The following TTC29 variants were observed in gnomAD, a reference collection of about 807,000 sequenced individuals.
TTC29 encodes the protein tetratricopeptide repeat protein 29.
TTC29 carries 49 observed loss-of-function variants against 58.1 expected under a neutral mutation model. The observed-to-expected ratio is 0.84, with a 90% CI of 0.67 to 1.07. The LOEUF is 1.07. Among genes scored for constraint, TTC29 ranks in the 50% least tolerant of loss-of-function variants. The probability of loss-of-function intolerance (pLI) is 0.00; values close to 1 mark genes in which losing one functional copy is unlikely to be tolerated. For synonymous variants in TTC29, 209 were observed against 196.8 expected (o/e 1.06, Z -0.52); for missense variants, 582 against 555.6 (o/e 1.05, Z -0.48).
intron 4 of TTC29, among the ~76,000 whole-genome samples, chr4:146,923,786 T>C (rs1579993042): frequency 1.3e-5 from 2 of 151,948 alleles, no homozygotes; most frequent in African/African-American, 2.4e-5. Flanking sequence ...AAGATAATTC[T>C]AAAATTCATA....
At chr4:146,772,233 T>C (rs1263947266) in intron 11 of TTC29, among the ~76,000 whole-genome samples, 1 of 152,212 alleles carries the variant, frequency 6.6e-6, no homozygotes, top group African/African-American at 2.4e-5. Flanking sequence ...TCTTTTGCTG[T>C]GCAGAAGCTC....
intron 6 of TTC29, among the ~76,000 whole-genome samples, chr4:146,877,290 G>C (rs1731331900): frequency 6.6e-6 from 1 of 151,646 alleles, no homozygotes; most frequent in Non-Finnish European, 1.5e-5. Flanking sequence ...TTTTTTTTCT[G>C]TTTGCTTATT....
chr4:146,903,696 G>A lies in TTC29; in HGVS notation c.434C>T (p.Ala145Val), dbSNP rs1468293279. ...AGAATTATTGAAGTAACAGGCCAGAGCATACAAGTTATTATGTACATCTTC... is the reference window on the plus strand; with the variant it reads ...AGAATTATTGAAGTAACAGGCCAGAACATACAAGTTATTATGTACATCTTC... ...SFEDVHNNLY[A>V]LACYFNNSED... Residue 145 changes from alanine (A) to valine (V), a missense_variant, in exon 6 of 13, where the codon GCT (alanine) becomes GTT (valine). By Grantham distance (64) the Ala-to-Val change is moderately conservative. Transcript: ENST00000325106. 1 of 1,610,270 alleles carries A rather than the reference G, an allele frequency of 6.2e-7. No individual in the cohort carries two copies. The highest frequency in any genetic ancestry group is 8.5e-7 in the Non-Finnish European group (1 of 1,178,392).
intron 8 of TTC29, among the ~76,000 whole-genome samples, chr4:146,853,338 T>C (rs933055236): frequency 6.6e-6 from 1 of 152,120 alleles, no homozygotes; most frequent in Admixed American, 6.6e-5. Context: ...TATATATGTA[T>C]TTATATATAA....
At chr4:146,831,099 A>T (rs921247480) in intron 9 of TTC29, among the ~76,000 whole-genome samples, 1 of 152,180 alleles carries the variant, frequency 6.6e-6, no homozygotes, top group African/African-American at 2.4e-5. Flanking sequence ...TGGATTGGAA[A>T]GCTGGTTGTA....
chr4:146,851,046 T>C (rs970241500), intron 8 of TTC29, among the ~76,000 whole-genome samples: 2 of 152,218 alleles, frequency 1.3e-5, no homozygotes, highest in African/African-American at 4.8e-5. Flanking sequence ...CAAGGGGTGC[T>C]AAGAGATTTG....
At chr4:146,730,084 T>A (rs2150019550) in intron 11 of TTC29, among the ~76,000 whole-genome samples, 1 of 152,196 alleles carries the variant, frequency 6.6e-6, no homozygotes, top group East Asian at 1.9e-4. Flanking sequence ...TTTATAAGGG[T>A]TTTCATTGGA....
chr4:146,783,314 C>T (rs1748758425), intron 11 of TTC29, among the ~76,000 whole-genome samples: 1 of 151,558 alleles, frequency 6.6e-6, no homozygotes, highest in Non-Finnish European at 1.5e-5. Context: ...GCTTCCTAGT[C>T]TCTGTCCCCA....
chr4:146,740,821 C>G (rs942558602), intron 11 of TTC29, among the ~76,000 whole-genome samples: 1 of 152,126 alleles, frequency 6.6e-6, no homozygotes, highest in African/African-American at 2.4e-5. Context: ...CCTTGAACTT[C>G]TGGGCTCAAG....
At chr4:146,804,544 T>C (rs1750465746) in intron 10 of TTC29, among the ~76,000 whole-genome samples, 4 of 151,878 alleles carry the variant, frequency 2.6e-5, no homozygotes. Context: ...TCGAAGTTGG[T>C]GGGGGGAGGG....
intron 11 of TTC29, among the ~76,000 whole-genome samples, chr4:146,761,441 C>A (rs568014181): frequency 1.3e-5 from 2 of 152,016 alleles, no homozygotes; most frequent in African/African-American, 2.4e-5. Flanking sequence ...GAAAACAATT[C>A]TTTCTCTCTT....
chr4:146,713,793 T>C (rs922882084), intron 11 of TTC29, among the ~76,000 whole-genome samples: 1 of 152,142 alleles, frequency 6.6e-6, no homozygotes, highest in Non-Finnish European at 1.5e-5. Context: ...GGAATGCAAC[T>C]AGGCCTGAAT....
intron 6 of TTC29, among the ~76,000 whole-genome samples, chr4:146,892,426 C>T (rs545429146): frequency 1.5e-4 from 23 of 152,290 alleles, no homozygotes; most frequent in African/African-American, 5.5e-4. Context: ...GAACCAACGA[C>T]AAAAACCATA....
chr4:146,843,270 A>C (rs141124408), intron 8 of TTC29, among the ~76,000 whole-genome samples: 1 of 152,344 alleles, frequency 6.6e-6, no homozygotes, highest in East Asian at 1.9e-4. Flanking sequence ...CAAATATGTT[A>C]TCTTGAGTGG....
At chr4:146,728,014 C>T (rs890032186) in intron 11 of TTC29, among the ~76,000 whole-genome samples, 11 of 152,106 alleles carry the variant, frequency 7.2e-5, no homozygotes, top group African/African-American at 2.4e-4. Context: ...GGGCCAGGTG[C>T]GATGGCTCAT....
chr4:146,943,476 G>A (rs1560747138), intron 2 of TTC29, among the ~76,000 whole-genome samples: 1 of 152,158 alleles, frequency 6.6e-6, no homozygotes, highest in South Asian at 2.1e-4. Flanking sequence ...ATCAATCTAT[G>A]TTGGACAGTT....
intron 11 of TTC29, among the ~76,000 whole-genome samples, chr4:146,735,478 G>T (rs1744649917): frequency 6.6e-6 from 1 of 152,108 alleles, no homozygotes; most frequent in Non-Finnish European, 1.5e-5. Flanking sequence ...ATCATAAATG[G>T]GTATACATGG....
chr4:146,827,114 T>C (rs1727861291), intron 9 of TTC29, among the ~76,000 whole-genome samples: 1 of 152,162 alleles, frequency 6.6e-6, no homozygotes, highest in Admixed American at 6.5e-5. Flanking sequence ...ACTTCATCCA[T>C]TTGATCCTTC....
At chr4:146,731,749 A>G (rs1024209782) in intron 11 of TTC29, among the ~76,000 whole-genome samples, 1 of 152,178 alleles carries the variant, frequency 6.6e-6, no homozygotes, top group African/African-American at 2.4e-5. Context: ...CAACATAAAG[A>G]TGTTACTTTT....
Sources: gnomAD v4.1 joint callset for allele counts (sites outside exome capture counted in the v4.1 genomes callset) on GRCh38, gnomAD v4.1.1 for gene constraint, MANE v1.5 for transcripts, NCBI Gene and HGNC (gene_info 2026-07-23, HGNC 2026-07-21) for gene names.